Variants in CHRNB3 observed in about 807,000 individuals in gnomAD.
The protein encoded by CHRNB3 is neuronal acetylcholine receptor subunit beta-3.
A neutral mutation model predicts 40.6 loss-of-function variants in CHRNB3; 37 were observed. The observed-to-expected ratio is 0.91, with a 90% CI of 0.70 to 1.20. The LOEUF (loss-of-function observed/expected upper bound fraction) is 1.20, where lower values mean the gene tolerates loss of function less well. Ranked by LOEUF, CHRNB3 falls within the 50% of genes most tolerant of loss-of-function variation. The pLI is 0.00. For synonymous variants in CHRNB3, 207 were observed against 207.1 expected (o/e 1.00, Z 0.00); for missense variants, 505 against 551.2 (o/e 0.92, Z 0.84).
At chr8:42,732,591 G>A (rs748963164) in intron 5 of CHRNB3, 42 bp downstream of exon 5, 5 of 1,503,500 alleles carry the variant, frequency 3.3e-6, no homozygotes, top group Non-Finnish European at 3.6e-6. Flanking sequence ...CGTAAAGGTA[G>A]GCCAAAGACA....
intron 3 of CHRNB3, among the ~76,000 whole-genome samples, chr8:42,728,286 G>T (rs557435720): frequency 6.6e-6 from 1 of 152,260 alleles, no homozygotes; most frequent in South Asian, 2.1e-4. Context: ...TACACTTTGG[G>T]AGGTGAGGCA....
At chr8:42,713,292 G>A (rs1816050112) in intron 3 of CHRNB3, among the ~76,000 whole-genome samples, 2 of 152,046 alleles carry the variant, frequency 1.3e-5, no homozygotes, top group African/African-American at 2.4e-5. Context: ...AAGAGTGGGC[G>A]CCGAGGACCC....
chr8:42,719,420 G>A (rs1055594603), intron 3 of CHRNB3, among the ~76,000 whole-genome samples: 5 of 152,178 alleles, frequency 3.3e-5, no homozygotes, highest in East Asian at 1.9e-4. Flanking sequence ...CAAAGCAGGA[G>A]GATCATTTGA....
intron 1 of CHRNB3, among the ~76,000 whole-genome samples, chr8:42,703,460 A>ATATATATATATATATATATATATATG (rs1815862521): frequency 8.2e-6 from 1 of 121,356 alleles, no homozygotes; most frequent in Non-Finnish European, 1.8e-5. Context: ...ATATATATAT[A>ATATATATATATATATATATATATATG]TGTATCCACA....
At chr8:42,705,419 G>A (rs1187804565) in intron 1 of CHRNB3, among the ~76,000 whole-genome samples, 4 of 152,204 alleles carry the variant, frequency 2.6e-5, no homozygotes, top group African/African-American at 9.7e-5. Flanking sequence ...GGGCCTAATG[G>A]TAGGTGTTTG....
chr8:42,733,384 T>C (rs754189797), intron 5 of CHRNB3, among the ~76,000 whole-genome samples: 2 of 151,744 alleles, frequency 1.3e-5, no homozygotes, highest in African/African-American at 2.4e-5. Context: ...CAGTCCTGGG[T>C]TCAGATCATA....
At chr8:42,725,936 C>T (rs369122630) in intron 3 of CHRNB3, 26 of 933,834 alleles carry the variant, frequency 2.8e-5, no homozygotes, top group Middle Eastern at 2.1e-4. Flanking sequence ...AGTAAACTCA[C>T]GCCATCAATC....
Position 42,732,389 on chromosome 8 carries a change from AAGAGG to A in CHRNB3, c.1087_1091del (p.Glu363SerfsTer18). On this transcript the variant is annotated frameshift_variant, in exon 5 of 6. Transcript: ENST00000289957. LOFTEE classifies it high-confidence loss of function. ...GTGGATCGCTACTCATCCCCAGAGA[AAGAGG>A]AGAGTCAACCAGTAGTGAAAGGCAA... The A allele has an allele frequency of 1.9e-6, 3 of 1,613,946 alleles. No individual in the cohort carries two copies. The highest frequency in any genetic ancestry group is 2.5e-6 in the Non-Finnish European group (3 of 1,179,982).
intron 3 of CHRNB3, among the ~76,000 whole-genome samples, chr8:42,712,585 G>C (rs1454910784): frequency 6.6e-6 from 1 of 152,084 alleles, no homozygotes; most frequent in East Asian, 1.9e-4. Flanking sequence ...AATAAGCTTG[G>C]AATGTATATA....
At chr8:42,716,570 T>C (rs1182500177) in intron 3 of CHRNB3, among the ~76,000 whole-genome samples, 1 of 152,034 alleles carries the variant, frequency 6.6e-6, no homozygotes, top group Non-Finnish European at 1.5e-5. Context: ...TACCCACCTT[T>C]AATTATATGC....
chr8:42,701,226 C>CAATATAAAAA (rs1815790339), intron 1 of CHRNB3, among the ~76,000 whole-genome samples: 1 of 71,460 alleles, frequency 1.4e-5, no homozygotes. Context: ...GACTCTGTCT[C>CAATATAAAAA]AAAAAAAAAA....
At chr8:42,708,959 T>C in intron 2 of CHRNB3, 91 bp downstream of exon 2, 2 of 1,293,512 alleles carry the variant, frequency 1.5e-6, no homozygotes, top group East Asian at 2.5e-5. Flanking sequence ...ATGTCTGCCA[T>C]TTCAATTTTA....
intron 1 of CHRNB3, among the ~76,000 whole-genome samples, chr8:42,702,914 A>C (rs925829959): frequency 6.6e-6 from 1 of 152,238 alleles, no homozygotes; most frequent in Admixed American, 6.5e-5. Context: ...CAATAAGGGA[A>C]GATGGCTGGC....
At position 42,709,381 on chromosome 8, in the gene CHRNB3, CCTTT is replaced by C. The variant is rs1815973305; in HGVS notation, c.204+516_204+519del. 2.0e-5 allele frequency among the ~76,000 whole-genome samples: 3 copies of C among 149,816 alleles called. No individual in the cohort carries two copies. In the South Asian group the frequency reaches 6.2e-4, roughly 31 times the overall value. ...CATTCTAATTTTCCTTTTGAGCTTGCCTTTCTGTCATGATTGTGTTCTTAGAAGA... is the reference window on the plus strand; with the variant it reads ...CATTCTAATTTTCCTTTTGAGCTTGCCTGTCATGATTGTGTTCTTAGAAGA... On this transcript the variant is annotated intron_variant, in intron 2 of 5. Coordinates refer to ENST00000289957, the MANE Select transcript of CHRNB3 (RefSeq NM_000749.5).
At chr8:42,729,135 C>T (rs1213299337) in intron 3 of CHRNB3, among the ~76,000 whole-genome samples, 1 of 152,032 alleles carries the variant, frequency 6.6e-6, no homozygotes, top group Admixed American at 6.6e-5. Flanking sequence ...TGGCCGGGCA[C>T]GGTGGCTCAC....
chr8:42,721,105 T>G (rs1053880807), intron 3 of CHRNB3, among the ~76,000 whole-genome samples: 1 of 152,242 alleles, frequency 6.6e-6, no homozygotes, highest in South Asian at 2.1e-4. Context: ...CTGTCCCCAG[T>G]GCTCTTAGCT....
intron 1 of CHRNB3, among the ~76,000 whole-genome samples, chr8:42,699,882 C>CTTTT (rs576300946): frequency 8.5e-6 from 1 of 117,586 alleles, no homozygotes; most frequent in African/African-American, 3.1e-5. Flanking sequence ...TTGTGGTATG[C>CTTTT]TTTTTTTTTT....
At chr8:42,711,695 A>G (rs1211918164) in intron 3 of CHRNB3, among the ~76,000 whole-genome samples, 1 of 151,970 alleles carries the variant, frequency 6.6e-6, no homozygotes, top group African/African-American at 2.4e-5. Context: ...GTATGTATTT[A>G]TTTATTTTTT....
chr8:42,730,904 C>T (rs1023292757), intron 4 of CHRNB3, among the ~76,000 whole-genome samples: 1 of 145,180 alleles, frequency 6.9e-6, no homozygotes, highest in Admixed American at 6.8e-5. Context: ...AAAAATTAGC[C>T]GGGCGCGGTG....
Sources: allele counts gnomAD v4.1 joint callset (sites outside exome capture counted in the v4.1 genomes callset), GRCh38; gene constraint gnomAD v4.1.1; transcripts MANE v1.5; gene names NCBI Gene and HGNC (gene_info 2026-07-23, HGNC 2026-07-21).